Variants in ANKRD44 observed in about 807,000 individuals in gnomAD.
ANKRD44 encodes ankyrin repeat domain 44.
Under a neutral mutation model 116.0 loss-of-function variants are expected in ANKRD44, and 35 were observed. The observed-to-expected ratio is 0.30, with a 90% CI of 0.23 to 0.40. The LOEUF (loss-of-function observed/expected upper bound fraction) is 0.40. ANKRD44 is among the 10% of genes least tolerant of loss of function. ANKRD44 has a pLI of 1.00. For missense variants in ANKRD44, 1,014 were observed against 1,242.6 expected (o/e 0.82, Z 2.77); for synonymous variants, 435 against 461.8 (o/e 0.94, Z 0.74).
At chr2:197,114,249 C>T (rs2078656942) in intron 8 of ANKRD44, among the ~76,000 whole-genome samples, 1 of 152,140 alleles carries the variant, frequency 6.6e-6, no homozygotes, top group Non-Finnish European at 1.5e-5. Flanking sequence ...TCCATCTATT[C>T]AAAGCTTTTA....
intron 16 of ANKRD44, among the ~76,000 whole-genome samples, chr2:197,068,176 A>T (rs1308023088): frequency 2.7e-5 from 3 of 111,670 alleles, no homozygotes; most frequent in Admixed American, 2.0e-4. Flanking sequence ...TCACATGGAC[A>T]CAGGAAGGGG....
At chr2:197,118,575 A>G (rs1463541793) in intron 8 of ANKRD44, among the ~76,000 whole-genome samples, 1 of 151,700 alleles carries the variant, frequency 6.6e-6, no homozygotes, top group African/African-American at 2.4e-5. Context: ...GAATGACAAG[A>G]GCAACATTCT....
intron 2 of ANKRD44, among the ~76,000 whole-genome samples, chr2:197,167,382 G>A (rs565925909): frequency 6.6e-6 from 1 of 152,032 alleles, no homozygotes; most frequent in African/African-American, 2.4e-5. Context: ...ATTGCCCCCA[G>A]TGGATCATCT....
intron 1 of ANKRD44, among the ~76,000 whole-genome samples, chr2:197,288,272 C>T (rs899191161): frequency 5.3e-5 from 8 of 152,140 alleles, no homozygotes; most frequent in African/African-American, 1.9e-4. Flanking sequence ...CACATAGAAA[C>T]TTCATTCACT....
chr2:197,213,175 C>A (rs542188087), intron 1 of ANKRD44, among the ~76,000 whole-genome samples: 2 of 152,172 alleles, frequency 1.3e-5, no homozygotes, highest in African/African-American at 4.8e-5. Flanking sequence ...AGCCACCCAG[C>A]GAGCTATGAC....
intron 1 of ANKRD44, among the ~76,000 whole-genome samples, chr2:197,247,111 G>A (rs905258488): frequency 1.3e-5 from 2 of 152,120 alleles, no homozygotes; most frequent in African/African-American, 2.4e-5. Context: ...GCTAATGAAC[G>A]AGCAGTCAGT....
rs149107038 is a variant in ANKRD44, at chr2:197,186,612, C to CTTTTTTTTTTTTTTT, written c.111+396_111+410dup. Among the ~76,000 whole-genome samples, 43 of 50,802 alleles carry CTTTTTTTTTTTTTTT rather than the reference C, an allele frequency of 8.5e-4. 4 individuals are homozygous for CTTTTTTTTTTTTTTT. Among genetic ancestry groups the CTTTTTTTTTTTTTTT allele is most frequent in the East Asian group, 2.2e-3 (2 of 926 alleles). The allele number at this position is 50,802 out of a possible 152,430, so 33.3% of individuals were successfully genotyped here. ...CCATCACTATGCCCGGCTAATTTTTCTTTTTTTTTTTTTTTTTTTTTTTTT... is the reference window on the plus strand; with the variant it reads ...CCATCACTATGCCCGGCTAATTTTTCTTTTTTTTTTTTTTTTTTTTTTTTTTTTTTTTTTTTTTTT... On this transcript the variant is annotated intron_variant, in intron 2 of 27. Coordinates refer to ENST00000282272, the MANE Select transcript of ANKRD44 (RefSeq NM_001195144.2).
chr2:197,096,765 G>C (rs886424013), intron 10 of ANKRD44, among the ~76,000 whole-genome samples: 3 of 152,218 alleles, frequency 2.0e-5, no homozygotes, highest in African/African-American at 7.2e-5. Flanking sequence ...AAGGAACCCA[G>C]ATAACAGTGA....
intron 1 of ANKRD44, chr2:197,263,337 G>T (rs2082657770): frequency 5.6e-6 from 3 of 536,564 alleles, no homozygotes; most frequent in African/African-American, 7.2e-5. Context: ...AAGTTCATTG[G>T]GGCTGGGGCG....
intron 1 of ANKRD44, among the ~76,000 whole-genome samples, chr2:197,261,993 G>T (rs1298873967): frequency 6.6e-6 from 1 of 152,182 alleles, no homozygotes; most frequent in African/African-American, 2.4e-5. Context: ...CATGCAACTA[G>T]AAATCACAAC....
At chr2:196,975,467 C>T (rs1391789313) in intron 21 of ANKRD44, among the ~76,000 whole-genome samples, 1 of 152,120 alleles carries the variant, frequency 6.6e-6, no homozygotes. Flanking sequence ...GCCAGCGTTA[C>T]CATCACACCA....
intron 16 of ANKRD44, among the ~76,000 whole-genome samples, chr2:197,062,849 G>A (rs2077345866): frequency 6.6e-6 from 1 of 152,254 alleles, no homozygotes; most frequent in Non-Finnish European, 1.5e-5. Context: ...GCCCACCACA[G>A]CTCAAGGAGG....
intron 18 of ANKRD44, among the ~76,000 whole-genome samples, chr2:197,012,260 T>TATC (rs1253528821): frequency 3.9e-5 from 6 of 152,166 alleles, no homozygotes; most frequent in Non-Finnish European, 7.4e-5. Flanking sequence ...CCACAACCCA[T>TATC]ATCACACTGG....
intron 21 of ANKRD44, among the ~76,000 whole-genome samples, chr2:196,978,766 C>G (rs2075777279): frequency 6.6e-6 from 1 of 150,778 alleles, no homozygotes; most frequent in Admixed American, 6.6e-5. Context: ...TATGTTATGT[C>G]AATTATATCT....
At chr2:197,051,500 C>T (rs891520687) in intron 16 of ANKRD44, among the ~76,000 whole-genome samples, 1 of 151,986 alleles carries the variant, frequency 6.6e-6, no homozygotes, top group Non-Finnish European at 1.5e-5. Context: ...CTCAAACAAT[C>T]CTCCTGCTTC....
chr2:197,033,014 G>A (rs754042032), intron 16 of ANKRD44, among the ~76,000 whole-genome samples: 3 of 152,054 alleles, frequency 2.0e-5, no homozygotes, highest in Non-Finnish European at 4.4e-5. Context: ...TCAAGGGGAG[G>A]TGTCTAGTGG....
At chr2:196,999,680 G>C (rs1157666655) in intron 23 of ANKRD44, among the ~76,000 whole-genome samples, 2 of 151,904 alleles carry the variant, frequency 1.3e-5, no homozygotes, top group Admixed American at 1.3e-4. Flanking sequence ...TGCAACCTCT[G>C]CCTCATGGGT....
In ANKRD44 at chr2:197,148,747, A is replaced by C. The variant is rs535044105; in HGVS notation, c.112-1642T>G. On this transcript the variant is annotated intron_variant, in intron 2 of 27. Coordinates refer to ENST00000282272, the MANE Select transcript of ANKRD44 (RefSeq NM_001195144.2). ...TATAAAGAATGCACTACCATTAAGTAGACAAAAAGGAGTTTGGATTCACTG... is the reference window on the plus strand; with the variant it reads ...TATAAAGAATGCACTACCATTAAGTCGACAAAAAGGAGTTTGGATTCACTG... Among the ~76,000 whole-genome samples, 19 of 152,352 alleles carry C rather than the reference A, an allele frequency of 1.2e-4. No homozygotes were observed. In the East Asian group the frequency reaches 2.3e-3, roughly 19 times the overall value.
At chr2:197,087,279 A>G (rs1318813546) in intron 12 of ANKRD44, among the ~76,000 whole-genome samples, 1 of 152,268 alleles carries the variant, frequency 6.6e-6, no homozygotes, top group Non-Finnish European at 1.5e-5. Flanking sequence ...ATAAATGTGC[A>G]GAACCAAGGC....
Sources: gnomAD v4.1 joint callset for allele counts (sites outside exome capture counted in the v4.1 genomes callset) on GRCh38, gnomAD v4.1.1 for gene constraint, MANE v1.5 for transcripts, NCBI Gene and HGNC (gene_info 2026-07-23, HGNC 2026-07-21) for gene names.